ARID5B: variants seen among roughly 807,000 people sequenced by gnomAD.
ARID5B encodes the protein AT-rich interactive domain-containing protein 5B.
In ARID5B, 13 loss-of-function variants were observed where a neutral mutation model predicts 97.2. The observed-to-expected ratio is 0.13, with a 90% CI of 0.09 to 0.21. The LOEUF (loss-of-function observed/expected upper bound fraction) is 0.21. Ranked by LOEUF, ARID5B falls within the 10% of genes least tolerant of loss-of-function variation. ARID5B has a pLI of 1.00. For missense variants in ARID5B, 1,210 were observed against 1,465.3 expected (o/e 0.83, Z 2.84); for synonymous variants, 556 against 570.3 (o/e 0.97, Z 0.36).
At chr10:61,943,076 T>C (rs1383899434) in intron 3 of ARID5B, among the ~76,000 whole-genome samples, 3 of 152,196 alleles carry the variant, frequency 2.0e-5, no homozygotes, top group African/African-American at 2.4e-5. Flanking sequence ...GCTTTTGTAA[T>C]TGGAATGCAC....
chr10:61,960,179 A>G (rs1838450887), intron 3 of ARID5B, among the ~76,000 whole-genome samples: 1 of 152,100 alleles, frequency 6.6e-6, no homozygotes, highest in Non-Finnish European at 1.5e-5. Context: ...ATATTTTCAA[A>G]TTATAAATTT....
chr10:62,089,597 G>C (rs562755299), intron 9 of ARID5B, among the ~76,000 whole-genome samples: 2 of 147,616 alleles, frequency 1.4e-5, no homozygotes, highest in African/African-American at 5.0e-5. Context: ...GCATGATCTC[G>C]GCTCACCGCA....
chr10:62,092,412 G>A lies in ARID5B; in HGVS notation c.2949G>A (p.Leu983=). The A allele has an allele frequency of 1.9e-6, 3 of 1,614,226 alleles. No individual in the cohort carries two copies. The highest frequency in any genetic ancestry group is 2.5e-6 in the Non-Finnish European group (3 of 1,180,032). Reference sequence around the variant, plus strand: ...CAGGAAAACCTCACCATGTGAGACTGGAGAATTTCAGGAAGATGGAAGGCA... The same window carrying A: ...CAGGAAAACCTCACCATGTGAGACTAGAGAATTTCAGGAAGATGGAAGGCA... ...SRSGKPHHVR[L]ENFRKMEGMV... is the part of the protein sequence containing the mutation. The change falls in exon 10 of 10, where the codon CTG becomes CTA. Residue 983 remains leucine, a synonymous_variant. Coordinates refer to ENST00000279873, the MANE Select transcript of ARID5B (RefSeq NM_032199.3).
At chr10:61,945,962 G>GTA (rs1038128686) in intron 3 of ARID5B, among the ~76,000 whole-genome samples, 2 of 148,214 alleles carry the variant, frequency 1.3e-5, no homozygotes, top group Admixed American at 6.8e-5. Flanking sequence ...TTGTTTATAT[G>GTA]TATATATATA....
At chr10:62,014,558 A>T (rs1282817185) in intron 4 of ARID5B, among the ~76,000 whole-genome samples, 2 of 152,188 alleles carry the variant, frequency 1.3e-5, no homozygotes, top group Non-Finnish European at 2.9e-5. Flanking sequence ...CCAAGAAATT[A>T]AGAAAAAGCA....
rs1187780491 is a variant in ARID5B, at chr10:61,991,059, C to CACAG, written c.503-9029_503-9028insGACA. Reference sequence around the variant, plus strand: ...TATCCTGTACACACACACACACACACACACACACACACACCAAATTTTGTT... The same window carrying CACAG: ...TATCCTGTACACACACACACACACACACAGACACACACACACACCAAATTTTGTT... On this transcript the variant is annotated intron_variant, in intron 3 of 9. Transcript: ENST00000279873. 2.0e-5 allele frequency among the ~76,000 whole-genome samples: 3 copies of CACAG among 151,744 alleles called. No individual in the cohort carries two copies. In the Middle Eastern group the frequency reaches 9.5e-3, roughly 480 times the overall value.
At chr10:62,056,533 A>T (rs983027950) in intron 5 of ARID5B, among the ~76,000 whole-genome samples, 30 of 152,212 alleles carry the variant, frequency 2.0e-4, no homozygotes, top group African/African-American at 7.0e-4. Flanking sequence ...TTTACTACAA[A>T]GAAATAGACT....
Position 61,932,785 on chromosome 10 carries a change from A to G in ARID5B, c.277-7398A>G, listed in dbSNP as rs1307532249. Among the ~76,000 whole-genome samples the G allele has an allele frequency of 4.6e-5, 7 of 152,226 alleles. No homozygotes were observed. The South Asian group carries it at 1.2e-3, about 27-fold the overall frequency. On this transcript the variant is annotated intron_variant, in intron 2 of 9. Coordinates refer to ENST00000279873, the MANE Select transcript of ARID5B (RefSeq NM_032199.3). ...CTCAAACCCTGCCACTGCCTTTATC[A>G]ACTAACTTGACGTAATATTCTGAAC...
At chr10:62,027,250 T>C (rs545544724) in intron 4 of ARID5B, among the ~76,000 whole-genome samples, 1 of 146,514 alleles carries the variant, frequency 6.8e-6, no homozygotes, top group South Asian at 2.2e-4. Flanking sequence ...ATGAAAAGTC[T>C]TCACTGTAGT....
At chr10:62,075,483 TACTC>T (rs1840117976) in intron 8 of ARID5B, among the ~76,000 whole-genome samples, 1 of 152,060 alleles carries the variant, frequency 6.6e-6, no homozygotes, top group Non-Finnish European at 1.5e-5. Context: ...CAGGCGCTCT[TACTC>T]TGCTCTACAC....
chr10:62,044,375 CTTTTT>C (rs10586947), intron 4 of ARID5B, among the ~76,000 whole-genome samples: 7 of 129,434 alleles, frequency 5.4e-5, no homozygotes, highest in Admixed American at 7.8e-5. Context: ...TTCATTTGCT[CTTTTT>C]TTTTTTTTTT....
At chr10:61,944,996 A>T (rs1438678261) in intron 3 of ARID5B, among the ~76,000 whole-genome samples, 1 of 152,230 alleles carries the variant, frequency 6.6e-6, no homozygotes, top group African/African-American at 2.4e-5. Flanking sequence ...CAAATTGAGA[A>T]AGAGTAGCTT....
At chr10:62,006,303 G>A (rs552406519) in intron 4 of ARID5B, among the ~76,000 whole-genome samples, 19 of 152,234 alleles carry the variant, frequency 1.2e-4, no homozygotes, top group South Asian at 4.2e-4. Context: ...TTAGCCAGGC[G>A]TGGTGGCGAG....
In ARID5B at chr10:61,962,189, C is replaced by T. The variant is rs146692948; in HGVS notation, c.502+21781C>T. ...AAATGAGCTTCTTCAGAAATTGCCTCGCCAAAGGTGATTTGCCAAGGTTGA... is the reference window on the plus strand; with the variant it reads ...AAATGAGCTTCTTCAGAAATTGCCTTGCCAAAGGTGATTTGCCAAGGTTGA... On this transcript the variant is annotated intron_variant, in intron 3 of 9. Transcript: ENST00000279873. Among the ~76,000 whole-genome samples the T allele has an allele frequency of 3.4e-3, 517 of 152,314 alleles. 1 individual carries two copies. Among genetic ancestry groups the T allele is most frequent in the South Asian group, 0.01 (50 of 4,828 alleles).
intron 4 of ARID5B, among the ~76,000 whole-genome samples, chr10:62,028,731 C>A (rs904917700): frequency 6.6e-6 from 1 of 152,096 alleles, no homozygotes; most frequent in Admixed American, 6.5e-5. Context: ...GAGGACGAGG[C>A]GGATGGATCA....
intron 3 of ARID5B, among the ~76,000 whole-genome samples, chr10:61,953,331 CAT>C (rs1259938223): frequency 1.3e-5 from 2 of 152,232 alleles, no homozygotes; most frequent in South Asian, 4.1e-4. Context: ...CATGATGAAA[CAT>C]ATACTTTTCT....
chr10:62,045,653 G>A (rs1361314610), intron 4 of ARID5B, among the ~76,000 whole-genome samples: 3 of 151,992 alleles, frequency 2.0e-5, no homozygotes, highest in African/African-American at 7.3e-5. Context: ...GTTTCACTAT[G>A]TTAACCAGGC....
At chr10:62,080,121 T>G (rs561297666) in intron 8 of ARID5B, among the ~76,000 whole-genome samples, 3 of 152,326 alleles carry the variant, frequency 2.0e-5, no homozygotes, top group Non-Finnish European at 4.4e-5. Context: ...GTTCTTCATG[T>G]CAGCGTGGCT....
At chr10:61,948,903 G>C (rs1047823436) in intron 3 of ARID5B, among the ~76,000 whole-genome samples, 1 of 152,182 alleles carries the variant, frequency 6.6e-6, no homozygotes, top group Non-Finnish European at 1.5e-5. Context: ...AGAGCAAAAA[G>C]GGGGAAAATA....
Sources: gnomAD v4.1 joint callset for allele counts (sites outside exome capture counted in the v4.1 genomes callset) on GRCh38, gnomAD v4.1.1 for gene constraint, MANE v1.5 for transcripts, NCBI Gene and HGNC (gene_info 2026-07-23, HGNC 2026-07-21) for gene names.